ZC3H18: variants seen among roughly 807,000 people sequenced by gnomAD.
ZC3H18 encodes zinc finger CCCH-type containing 18, also known as zinc finger CCCH domain-containing protein 18.
In ZC3H18, 8 loss-of-function variants were observed where a neutral mutation model predicts 106.1. The observed-to-expected ratio is 0.08, with a 90% confidence interval of 0.04 to 0.14. The LOEUF (loss-of-function observed/expected upper bound fraction) is 0.14. Among genes scored for constraint, ZC3H18 ranks in the 10% least tolerant of loss-of-function variants. The pLI is 1.00. For synonymous variants in ZC3H18, 635 were observed against 522.1 expected (o/e 1.22, Z -2.95); for missense variants, 1,318 against 1,278.4 (o/e 1.03, Z -0.47).
chr16:88,631,205 G>A lies in ZC3H18; in HGVS notation c.2768G>A (p.Ser923Asn). 6.2e-7 allele frequency: 1 copy of A among 1,613,880 alleles called. No individual in the cohort carries two copies. Among genetic ancestry groups the A allele is most frequent in the Non-Finnish European group, 8.5e-7 (1 of 1,180,028 alleles). ...GCCAGCACCAAATCAGGGAAGGCCA[G>A]CACGCTGTCTCGGCGGGAGGAGCTG... is the stretch of plus-strand genomic sequence containing the variant. The part of the protein sequence containing the change: ...GAASTKSGKA[S>N]TLSRREELLK... The change falls in exon 18 of 18, where the codon AGC becomes AAC. Residue 923 changes from serine to asparagine, a missense_variant. Transcript: ENST00000301011.
intron 1 of ZC3H18, among the ~76,000 whole-genome samples, chr16:88,571,383 A>T (rs1914397140): frequency 6.6e-6 from 1 of 152,208 alleles, no homozygotes; most frequent in Non-Finnish European, 1.5e-5. Flanking sequence ...CAAGGTGCTC[A>T]TCATGTCTCC....
intron 10 of ZC3H18, 22 bp downstream of exon 10, chr16:88,623,366 A>G: frequency 6.2e-7 from 1 of 1,610,976 alleles, no homozygotes; most frequent in Non-Finnish European, 8.5e-7. Flanking sequence ...GGGCCCATGA[A>G]GGGCCCTCAG....
intron 11 of ZC3H18, chr16:88,624,348 C>G (rs1304080856): frequency 1.5e-6 from 1 of 663,364 alleles, no homozygotes; most frequent in Non-Finnish European, 2.5e-6. Flanking sequence ...TTAGCCTGCT[C>G]TCCCCACTGC....
chr16:88,615,140 G>T (rs1439063887), intron 8 of ZC3H18, among the ~76,000 whole-genome samples: 1 of 146,296 alleles, frequency 6.8e-6, no homozygotes, highest in African/African-American at 2.6e-5. Flanking sequence ...TGCCTGGACG[G>T]GCTGCCCCCA....
chr16:88,625,551 A>AG (rs1198597549), intron 13 of ZC3H18: 1 of 454,928 alleles, frequency 2.2e-6, no homozygotes, highest in Non-Finnish European at 4.0e-6. Context: ...CTTGATGCCC[A>AG]GCACCCTGAG....
intron 7 of ZC3H18, among the ~76,000 whole-genome samples, chr16:88,609,893 G>T (rs988973631): frequency 6.6e-6 from 1 of 152,156 alleles, no homozygotes; most frequent in African/African-American, 2.4e-5. Context: ...AAGTCACTGT[G>T]CCCAGCTCGG....
intron 3 of ZC3H18, among the ~76,000 whole-genome samples, chr16:88,587,921 C>G (rs1046975000): frequency 6.6e-6 from 1 of 152,162 alleles, no homozygotes. Flanking sequence ...ATGGGAACCC[C>G]GGGTTAGGCT....
At chr16:88,578,072 C>G (rs1914874544) in intron 2 of ZC3H18, among the ~76,000 whole-genome samples, 1 of 152,226 alleles carries the variant, frequency 6.6e-6, no homozygotes. Flanking sequence ...TTGCCGTCTT[C>G]AAGTGATACT....
Position 88,627,912 on chromosome 16 carries a change from A to T in ZC3H18, c.2270-8A>T. 1 of 1,613,926 alleles carries T rather than the reference A, an allele frequency of 6.2e-7. No individual in the cohort carries two copies. Among genetic ancestry groups the T allele is most frequent in the Non-Finnish European group, 8.5e-7 (1 of 1,180,042 alleles). ...GTACCCCCATGACTGCGGATTTATC[A>T]TTGGTAGGAAAATCTAAGAAAGAAG... On this transcript the variant is annotated splice_region_variant and splice_polypyrimidine_tract_variant and intron_variant, in intron 14 of 17. Coordinates refer to ENST00000301011, the MANE Select transcript of ZC3H18 (RefSeq NM_144604.4). The surrounding 1 kb of genome is among the most constrained non-coding windows in gnomAD (Gnocchi z 4.5).
chr16:88,587,738 G>T, intron 3 of ZC3H18: 5 of 960,316 alleles, frequency 5.2e-6, no homozygotes, highest in Non-Finnish European at 7.8e-6. Context: ...TCTTTGAGGG[G>T]CAGAGAGCTG....
chr16:88,616,292 C>T (rs965851964), intron 8 of ZC3H18, among the ~76,000 whole-genome samples: 6 of 152,254 alleles, frequency 3.9e-5, no homozygotes, highest in South Asian at 2.1e-4. Context: ...CCGAGCCGCT[C>T]TTCCCACCTG....
intron 9 of ZC3H18, 95 bp from the exon 10 acceptor site, chr16:88,623,116 GCTGTGCGT>G: frequency 6.7e-7 from 1 of 1,487,994 alleles, no homozygotes; most frequent in East Asian, 2.4e-5. Flanking sequence ...CTTGTGTGTA[GCTGTGCGT>G]CTGTGGGTGT....
intron 3 of ZC3H18, among the ~76,000 whole-genome samples, chr16:88,587,936 C>T (rs999386047): frequency 6.6e-6 from 1 of 152,162 alleles, no homozygotes; most frequent in Non-Finnish European, 1.5e-5. Flanking sequence ...TAGGCTCGCT[C>T]CTGTGGGTGT....
intron 3 of ZC3H18, among the ~76,000 whole-genome samples, chr16:88,587,092 A>G (rs1030307244): frequency 2.0e-5 from 3 of 152,224 alleles, no homozygotes; most frequent in Non-Finnish European, 4.4e-5. Flanking sequence ...TTTTCCTGCA[A>G]GATGTGTCCG....
chr16:88,585,341 G>T (rs1312276253), intron 2 of ZC3H18, among the ~76,000 whole-genome samples: 2 of 152,226 alleles, frequency 1.3e-5, no homozygotes, highest in African/African-American at 2.4e-5. Context: ...TTTGGTTTCA[G>T]CATTTTTTCA....
chr16:88,611,666 A>G (rs1411854767), intron 8 of ZC3H18, 130 bp downstream of exon 8: 1 of 1,364,784 alleles, frequency 7.3e-7, no homozygotes, highest in Non-Finnish European at 9.8e-7. Context: ...GTGCAGGCCC[A>G]CAGCCCGAGC....
At chr16:88,601,888 G>GATA (rs2142699684) in intron 6 of ZC3H18, among the ~76,000 whole-genome samples, 1 of 152,220 alleles carries the variant, frequency 6.6e-6, no homozygotes, top group South Asian at 2.1e-4. Context: ...GGCTGTTTCT[G>GATA]ATAGACACAG....
At chr16:88,610,735 G>A (rs775927136) in intron 7 of ZC3H18, among the ~76,000 whole-genome samples, 2 of 152,246 alleles carry the variant, frequency 1.3e-5, no homozygotes, top group Non-Finnish European at 2.9e-5. Flanking sequence ...AAGAAGAGGA[G>A]CAGTCTTTTG....
intron 17 of ZC3H18, 87 bp from the exon 18 acceptor site, chr16:88,631,014 C>T (rs954703107): frequency 2.6e-6 from 4 of 1,542,122 alleles, no homozygotes; most frequent in Non-Finnish European, 2.7e-6. Context: ...GCTGAGGACA[C>T]AGTGGAAGCG....
Sources: allele counts gnomAD v4.1 joint callset (sites outside exome capture counted in the v4.1 genomes callset), GRCh38; gene constraint gnomAD v4.1.1; non-coding constraint Gnocchi (gnomAD v3.1); transcripts MANE v1.5; gene names NCBI Gene and HGNC (gene_info 2026-07-23, HGNC 2026-07-21).